The following SPOP variants were observed in gnomAD, a reference collection of about 807,000 sequenced individuals.
SPOP encodes the protein speckle-type POZ protein.
In SPOP, 11 loss-of-function variants were observed where a neutral mutation model predicts 45.6. That is an observed-to-expected ratio of 0.24 (90% confidence interval 0.15 to 0.40). SPOP has a LOEUF of 0.40. Among genes scored for constraint, SPOP ranks in the 10% least tolerant of loss-of-function variants. The pLI is 1.00. For synonymous variants in SPOP, 166 were observed against 166.3 expected (o/e 1.00, Z 0.01); for missense variants, 152 against 465.6 (o/e 0.33, Z 6.20).
intron 5 of SPOP, among the ~76,000 whole-genome samples, chr17:49,614,802 AGTGTGTGTGTGTGTGTGTGTGT>A (rs60134980): frequency 7.5e-5 from 11 of 147,072 alleles, no homozygotes; most frequent in Non-Finnish European, 1.2e-4. Context: ...CATGCTATGA[AGTGTGTGTGTGTGTGTGTGTGT>A]GTGTGTGTGT....
In SPOP at chr17:49,619,992, C is replaced by T. The variant is rs1006915677; in HGVS notation, c.201-607G>A. 6.6e-6 allele frequency among the ~76,000 whole-genome samples: 1 copy of T among 151,520 alleles called. No homozygotes were observed. The highest frequency in any genetic ancestry group is 2.4e-5 in the African/African-American group (1 of 41,200). ...TGGCCAACGTGGTGAAACCCCGTCT[C>T]TACTAAAAATAAAAAATAAAGAAAA... is the stretch of plus-strand genomic sequence containing the variant. On this transcript the variant is annotated intron_variant, in intron 3 of 9. Coordinates refer to ENST00000504102, the MANE Select transcript of SPOP (RefSeq NM_001007228.2). The surrounding 1 kb of genome is among the most constrained non-coding windows in gnomAD (Gnocchi z 4.9).
chr17:49,631,572 C>A (rs2072452524), intron 1 of SPOP, among the ~76,000 whole-genome samples: 1 of 152,176 alleles, frequency 6.6e-6, no homozygotes, highest in South Asian at 2.1e-4. Flanking sequence ...TACATCGAGA[C>A]CCACATGAGA....
chr17:49,650,392 C>T (rs2072826882), intron 1 of SPOP, among the ~76,000 whole-genome samples: 1 of 151,856 alleles, frequency 6.6e-6, no homozygotes, highest in African/African-American at 2.4e-5. Context: ...CCAGCCTAGC[C>T]AACATGGTGA....
intron 1 of SPOP, among the ~76,000 whole-genome samples, chr17:49,667,110 A>G (rs2073070453): frequency 6.6e-6 from 1 of 151,202 alleles, no homozygotes; most frequent in Non-Finnish European, 1.5e-5. Context: ...CCTGGGAGGC[A>G]GAGGTTGCAA....
At chr17:49,660,173 T>C (rs903491745) in intron 1 of SPOP, among the ~76,000 whole-genome samples, 2 of 152,250 alleles carry the variant, frequency 1.3e-5, no homozygotes, top group African/African-American at 2.4e-5. Context: ...CCAACCTCTC[T>C]GACCTCATTT....
At chr17:49,651,906 C>T (rs1441387807) in intron 1 of SPOP, among the ~76,000 whole-genome samples, 3 of 152,000 alleles carry the variant, frequency 2.0e-5, no homozygotes. Flanking sequence ...GTAATCCCAG[C>T]TACTAGGGAG....
chr17:49,632,639 C>T (rs1348117071), intron 1 of SPOP, among the ~76,000 whole-genome samples: 4 of 152,010 alleles, frequency 2.6e-5, no homozygotes, highest in South Asian at 2.1e-4. Flanking sequence ...ATTACAGGCG[C>T]CCACCAACAT....
chr17:49,615,626 G>A (rs574012955), intron 5 of SPOP, among the ~76,000 whole-genome samples: 80 of 152,200 alleles, frequency 5.3e-4, no homozygotes, highest in African/African-American at 1.9e-3. Context: ...TGATCCTCTT[G>A]CATCAGCCTC....
chr17:49,660,484 T>C (rs1597977472), intron 1 of SPOP, among the ~76,000 whole-genome samples: 1 of 152,176 alleles, frequency 6.6e-6, no homozygotes, highest in African/African-American at 2.4e-5. Context: ...CAATAAACCA[T>C]ATATTTTATT....
chr17:49,623,381 C>T (rs931224585), intron 1 of SPOP, among the ~76,000 whole-genome samples: 8 of 152,176 alleles, frequency 5.3e-5, no homozygotes, highest in African/African-American at 1.9e-4. Context: ...ACAATTATAT[C>T]ACCCTATACC....
At chr17:49,609,816 A>G (rs999150145) in intron 6 of SPOP, among the ~76,000 whole-genome samples, 7 of 152,090 alleles carry the variant, frequency 4.6e-5, no homozygotes, top group Admixed American at 2.0e-4. Flanking sequence ...TACAGGCTGA[A>G]GGTGAAGAGG....
At chr17:49,667,364 C>T (rs527273118) in intron 1 of SPOP, among the ~76,000 whole-genome samples, 73 of 149,816 alleles carry the variant, frequency 4.9e-4, no homozygotes, top group African/African-American at 1.7e-3. Flanking sequence ...CCAAGGCGGG[C>T]GGATCACTTG....
intron 1 of SPOP, among the ~76,000 whole-genome samples, chr17:49,677,501 G>A (rs1234500121): frequency 6.6e-6 from 1 of 152,250 alleles, no homozygotes; most frequent in Non-Finnish European, 1.5e-5. Context: ...CACAGCCTGG[G>A]AAGAAGGCGG....
chr17:49,645,654 C>A (rs984143605), intron 1 of SPOP, among the ~76,000 whole-genome samples: 1 of 152,074 alleles, frequency 6.6e-6, no homozygotes, highest in Admixed American at 6.6e-5. Flanking sequence ...TTCATAAAGA[C>A]CATAAATCCT....
chr17:49,668,257 ATTGT>A (rs2073089085), intron 1 of SPOP, among the ~76,000 whole-genome samples: 1 of 152,196 alleles, frequency 6.6e-6, no homozygotes, highest in African/African-American at 2.4e-5. Context: ...CAATAAAAAG[ATTGT>A]TTATTATGTG....
chr17:49,677,140 C>A (rs1269028826), intron 1 of SPOP, among the ~76,000 whole-genome samples: 1 of 152,166 alleles, frequency 6.6e-6, no homozygotes, highest in Non-Finnish European at 1.5e-5. Context: ...TCACTTAGTT[C>A]CATTTATGAC....
At position 49,622,823 on chromosome 17, in the gene SPOP, G is replaced by T; in HGVS notation, c.-13C>A. On this transcript the variant is annotated 5_prime_UTR_variant, in exon 2 of 10. Transcript: ENST00000504102. ...GAACCCTTGACATCGCCAGTTTGAA[G>T]GTTAAACGAGATTTCCAAAGTCAGG... 1 of 1,613,044 alleles carries T rather than the reference G, an allele frequency of 6.2e-7. No homozygotes were observed. The highest frequency in any genetic ancestry group is 1.1e-5 in the South Asian group (1 of 91,054).
intron 1 of SPOP, among the ~76,000 whole-genome samples, chr17:49,659,928 T>C (rs1316620866): frequency 6.6e-6 from 1 of 152,200 alleles, no homozygotes; most frequent in Non-Finnish European, 1.5e-5. Context: ...TTCTTGACAC[T>C]TTCCTCTTCC....
chr17:49,632,928 A>T (rs1479025522), intron 1 of SPOP, among the ~76,000 whole-genome samples: 2 of 152,268 alleles, frequency 1.3e-5, no homozygotes, highest in African/African-American at 4.8e-5. Flanking sequence ...AATACAGACC[A>T]GTGTAAATAT....
Sources: gnomAD v4.1 joint callset for allele counts (sites outside exome capture counted in the v4.1 genomes callset) on GRCh38, gnomAD v4.1.1 for gene constraint, Gnocchi (gnomAD v3.1) non-coding constraint, MANE v1.5 for transcripts, NCBI Gene and HGNC (gene_info 2026-07-23, HGNC 2026-07-21) for gene names.